CELSR1: variants seen among roughly 807,000 people sequenced by gnomAD.
The protein encoded by CELSR1 is cadherin EGF LAG seven-pass G-type receptor 1.
CELSR1 carries 110 observed loss-of-function variants against 249.1 expected under a neutral mutation model. The observed-to-expected ratio is 0.44, with a 90% confidence interval of 0.38 to 0.52. The LOEUF (loss-of-function observed/expected upper bound fraction) is 0.52. Among genes scored for constraint, CELSR1 ranks in the 20% least tolerant of loss-of-function variants. CELSR1 has a pLI of 0.00. For synonymous variants in CELSR1, 2,113 were observed against 1,900.0 expected (o/e 1.11, Z -2.92); for missense variants, 4,109 against 4,296.4 (o/e 0.96, Z 1.22).
intron 25 of CELSR1, among the ~76,000 whole-genome samples, chr22:46,370,977 T>A (rs1206679839): frequency 6.6e-6 from 1 of 152,266 alleles, no homozygotes; most frequent in East Asian, 1.9e-4. Context: ...AGAGACCTGC[T>A]CCGCCTGGAC....
In CELSR1 at chr22:46,526,663, C is replaced by T. The variant is rs1481575150; in HGVS notation, c.3544+6964G>A. On this transcript the variant is annotated intron_variant, in intron 1 of 34. Transcript: ENST00000674500. This position sits in a 1 kb window ranked among gnomAD's most constrained non-coding sequence, Gnocchi z 4.7. ...TCCCTCAGCCTCCAGGGCCTGCACCCGTGGGCCCTCCCCTGCACGTGGTTA... is the reference window on the plus strand; with the variant it reads ...TCCCTCAGCCTCCAGGGCCTGCACCTGTGGGCCCTCCCCTGCACGTGGTTA... 6.6e-6 allele frequency among the ~76,000 whole-genome samples: 1 copy of T among 152,144 alleles called. No individual in the cohort carries two copies. Among genetic ancestry groups the T allele is most frequent in the Admixed American group, 6.5e-5 (1 of 15,272 alleles).
rs551418002 is a variant in CELSR1, at chr22:46,518,338, G to A, written c.3544+15289C>T. On this transcript the variant is annotated intron_variant, in intron 1 of 34. Coordinates refer to ENST00000674500, the MANE Select transcript of CELSR1 (RefSeq NM_001378328.1). The surrounding 1 kb of genome is among the most constrained non-coding windows in gnomAD (Gnocchi z 5.2). The stretch of plus-strand genomic sequence containing the variant: ...CACCATCAGCAGGGGCGCTCAGCCC[G>A]TGCCACACTCAGTCTCGTTAGAGGA... 3.3e-5 allele frequency among the ~76,000 whole-genome samples: 5 copies of A among 152,346 alleles called. No homozygotes were observed. Among genetic ancestry groups the A allele is most frequent in the South Asian group, 2.1e-4 (1 of 4,830 alleles).
At chr22:46,388,966 C>T (rs2079059528) in intron 18 of CELSR1, among the ~76,000 whole-genome samples, 1 of 152,258 alleles carries the variant, frequency 6.6e-6, no homozygotes, top group Non-Finnish European at 1.5e-5. Flanking sequence ...TACTCCATCA[C>T]AGGCTGCATG....
At chr22:46,394,054 G>A (rs1260061388) in intron 14 of CELSR1, 88 bp downstream of exon 14, 18 of 1,510,186 alleles carry the variant, frequency 1.2e-5, no homozygotes, top group Non-Finnish European at 1.6e-5. Flanking sequence ...TACCGACAGG[G>A]TATGTGAAGG....
chr22:46,433,749 A>C lies in CELSR1; in HGVS notation c.4523-268T>G, dbSNP rs1265730142. Among the ~76,000 whole-genome samples, 1 of 152,112 alleles carries C rather than the reference A, an allele frequency of 6.6e-6. No individual in the cohort carries two copies. Among genetic ancestry groups the C allele is most frequent in the Non-Finnish European group, 1.5e-5 (1 of 68,034 alleles). Reference sequence around the variant, plus strand: ...GCCCAGGCTGGAGTGCAGTGGCGTGATCTCAGCTCACTGCCACCTCCGCCT... The same window carrying C: ...GCCCAGGCTGGAGTGCAGTGGCGTGCTCTCAGCTCACTGCCACCTCCGCCT... On this transcript the variant is annotated intron_variant, in intron 4 of 34. Transcript: ENST00000674500. The surrounding 1 kb of genome is among the most constrained non-coding windows in gnomAD (Gnocchi z 5.7).
chr22:46,377,603 G>T (rs2078932906), intron 23 of CELSR1: 3 of 335,762 alleles, frequency 8.9e-6, no homozygotes, highest in Non-Finnish European at 1.7e-5. Context: ...CTCAATTTCA[G>T]CTTCCTTGGC....
chr22:46,442,831 C>T (rs185763372), intron 2 of CELSR1, among the ~76,000 whole-genome samples: 19 of 152,278 alleles, frequency 1.2e-4, no homozygotes, highest in African/African-American at 4.6e-4. Context: ...GTGGCTCACG[C>T]CTGTAATCCC....
Position 46,536,496 on chromosome 22 carries a change from G to T in CELSR1, c.675C>A (p.Ala225=), listed in dbSNP as rs764380155. The change falls in exon 1 of 35, where the codon GCC becomes GCA. Residue 225 remains alanine (A), a synonymous_variant. Coordinates refer to ENST00000674500, the MANE Select transcript of CELSR1 (RefSeq NM_001378328.1). ...GGGCCCGTCGCGCCGGCCCCGCCCGGGCTTCGGGCAAGTTCGGCGGCAGGG... is the reference window on the plus strand; with the variant it reads ...GGGCCCGTCGCGCCGGCCCCGCCCGTGCTTCGGGCAAGTTCGGCGGCAGGG... ...SPPLPPNLPE[A]RAGPARRARR... is the part of the protein sequence containing the mutation. The T allele has an allele frequency of 3.8e-6, 6 of 1,574,974 alleles. No individual in the cohort carries two copies. The African/African-American group carries it at 8.2e-5, about 22-fold the overall frequency.
intron 24 of CELSR1, among the ~76,000 whole-genome samples, chr22:46,375,620 T>C (rs905033297): frequency 6.7e-6 from 1 of 149,266 alleles, no homozygotes; most frequent in Non-Finnish European, 1.5e-5. Context: ...CTCAGCTCAC[T>C]GCAACCTCTG....
intron 2 of CELSR1, among the ~76,000 whole-genome samples, chr22:46,461,491 G>A (rs2080026425): frequency 2.0e-5 from 3 of 152,310 alleles, no homozygotes; most frequent in African/African-American, 7.2e-5. Flanking sequence ...CAAGCTTCCT[G>A]CAGCCTGGAC....
In CELSR1 at chr22:46,369,793, C is replaced by T. The variant is rs763787640; in HGVS notation, c.7771G>A (p.Gly2591Ser). The stretch of plus-strand genomic sequence containing the variant: ...TTCCCGTAGCCCTGGGGGTCCAGGC[C>T]GACCGCCAGTCCTGAACACAGCGGG... ...IPAIVTGLAV[G>S]LDPQGYGNPD... The change falls in exon 26 of 35, where the codon GGC (glycine) becomes AGC (serine). Residue 2591 changes from glycine to serine, a missense_variant. By Grantham distance (56) the Gly-to-Ser change is moderately conservative. Transcript: ENST00000674500. 1.6e-5 allele frequency: 25 copies of T among 1,612,822 alleles called. No homozygotes were observed. The highest frequency in any genetic ancestry group is 1.7e-4 in the Middle Eastern group (1 of 6,058).
intron 1 of CELSR1, among the ~76,000 whole-genome samples, chr22:46,531,620 G>C (rs2147816946): frequency 6.6e-6 from 1 of 152,350 alleles, no homozygotes; most frequent in African/African-American, 2.4e-5. Flanking sequence ...GCTGCTTTCT[G>C]CGGATCGTGG....
chr22:46,430,208 A>AGGGT lies in CELSR1; in HGVS notation c.4611+3181_4611+3184dup, dbSNP rs1487708082. ...GACAGAGAACGAGACTGAAGAGAGG[A>AGGGT]GGGTGGGCAGCAGCGGCATGGCCCG... On this transcript the variant is annotated intron_variant, in intron 5 of 34. Coordinates refer to ENST00000674500, the MANE Select transcript of CELSR1 (RefSeq NM_001378328.1). The surrounding 1 kb of genome is among the most constrained non-coding windows in gnomAD (Gnocchi z 4.6). 6.6e-6 allele frequency among the ~76,000 whole-genome samples: 1 copy of AGGGT among 152,186 alleles called. No individual in the cohort carries two copies. The highest frequency in any genetic ancestry group is 2.4e-5 in the African/African-American group (1 of 41,448).
chr22:46,363,024 G>T lies in CELSR1; in HGVS notation c.*199C>A. 1.7e-6 allele frequency: 2 copies of T among 1,146,220 alleles called. No homozygotes were observed. Among genetic ancestry groups the T allele is most frequent in the Admixed American group, 2.1e-5 (1 of 48,614 alleles). The allele number at this position is 1,146,220 out of a possible 1,614,324, so 71.0% of individuals were successfully genotyped here. A position where few individuals can be genotyped will look rare whatever the true frequency, so the allele number is the denominator to read the frequency against. ...GGTCTGACAGGCCCTGAGCTCCTGG[G>T]AGAACCAAGACCTTTGTGTCTGGAT... On this transcript the variant is annotated 3_prime_UTR_variant, in exon 35 of 35. Transcript: ENST00000674500. The surrounding 1 kb of genome is among the most constrained non-coding windows in gnomAD (Gnocchi z 4.3).
chr22:46,369,211 T>G lies in CELSR1; in HGVS notation c.7920A>C (p.Arg2640Ser), dbSNP rs962209682. ...CTTTTTTCCCATAATAATGGTGCTTTCTTTGGCAGGAAACCTTTGCAGATA... is the reference window on the plus strand; with the variant it reads ...CTTTTTTCCCATAATAATGGTGCTTGCTTTGGCAGGAAACCTTTGCAGATA... ...SVLSAKVSCQ[R>S]KHHYYGKKGI... is the part of the protein sequence containing the mutation. Residue 2640 changes from arginine (R) to serine (S), a missense_variant, in exon 27 of 35, where the codon AGA (arginine) becomes AGC (serine). Around this residue, in one of 7 missense-constraint regions of CELSR1, gnomAD observed 1,805 missense variants for 1,831.6 expected, o/e 0.99. Coordinates refer to ENST00000674500, the MANE Select transcript of CELSR1 (RefSeq NM_001378328.1). 1.9e-6 allele frequency: 3 copies of G among 1,614,000 alleles called. No homozygotes were observed. Among genetic ancestry groups the G allele is most frequent in the Non-Finnish European group, 2.5e-6 (3 of 1,179,998 alleles).
Position 46,527,313 on chromosome 22 carries a change from C to T in CELSR1, c.3544+6314G>A, listed in dbSNP as rs959131486. Among the ~76,000 whole-genome samples the T allele has an allele frequency of 6.6e-6, 1 of 152,170 alleles. No individual in the cohort carries two copies. Among genetic ancestry groups the T allele is most frequent in the Admixed American group, 6.5e-5 (1 of 15,278 alleles). Reference sequence around the variant, plus strand: ...TGATGTCCCCAGCTTCCCTCCCCTCCACTCTCACCGCCCAGCAGCTGGGAC... The same window carrying T: ...TGATGTCCCCAGCTTCCCTCCCCTCTACTCTCACCGCCCAGCAGCTGGGAC... On this transcript the variant is annotated intron_variant, in intron 1 of 34. Transcript: ENST00000674500. The surrounding 1 kb of genome is among the most constrained non-coding windows in gnomAD (Gnocchi z 5.5).
chr22:46,450,821 C>T (rs1252369565), intron 2 of CELSR1, among the ~76,000 whole-genome samples: 1 of 152,210 alleles, frequency 6.6e-6, no homozygotes, highest in Non-Finnish European at 1.5e-5. Flanking sequence ...GCCTCAGTTT[C>T]CCCAGCTGTA....
At chr22:46,416,137 C>T (rs770177420) in intron 5 of CELSR1, among the ~76,000 whole-genome samples, 9 of 149,268 alleles carry the variant, frequency 6.0e-5, no homozygotes, top group Non-Finnish European at 8.9e-5. Context: ...ACAGACGAAC[C>T]GCCTCCTCAC....
At position 46,490,891 on chromosome 22, in the gene CELSR1, C is replaced by T. The variant is rs1174185302; in HGVS notation, c.3545-26546G>A. On this transcript the variant is annotated intron_variant, in intron 1 of 34. Transcript: ENST00000674500. This position sits in a 1 kb window ranked among gnomAD's most constrained non-coding sequence, Gnocchi z 5.2. ...GCCAGGTGTCATTTTCGCTGCTCTA[C>T]AGACCAGGCCTCAGAGGATCAGGAG... is the stretch of plus-strand genomic sequence containing the variant. Among the ~76,000 whole-genome samples the T allele has an allele frequency of 6.6e-6, 1 of 152,138 alleles. No individual in the cohort carries two copies. Among genetic ancestry groups the T allele is most frequent in the Non-Finnish European group, 1.5e-5 (1 of 68,020 alleles).
Sources: gnomAD v4.1 joint callset for allele counts (sites outside exome capture counted in the v4.1 genomes callset) on GRCh38, gnomAD v4.1.1 for gene constraint, gnomAD v4.1.1 regional missense constraint, Gnocchi (gnomAD v3.1) non-coding constraint, MANE v1.5 for transcripts, NCBI Gene and HGNC (gene_info 2026-07-23, HGNC 2026-07-21) for gene names.